FGF14: variants seen among roughly 807,000 people sequenced by gnomAD.
The protein encoded by FGF14 is fibroblast growth factor 14, also known as fibroblast growth factor homologous factor 4.
FGF14 carries 5 observed loss-of-function variants against 25.5 expected under a neutral mutation model. The observed-to-expected ratio is 0.20, with a 90% CI of 0.10 to 0.41. FGF14 has a LOEUF of 0.41. Ranked by LOEUF, FGF14 falls within the 10% of genes least tolerant of loss-of-function variation. FGF14 has a pLI of 1.00. For missense variants in FGF14, 222 were observed against 320.1 expected, an observed-to-expected ratio of 0.69 and a Z score of 2.34; for synonymous variants, 138 against 118.3, an observed-to-expected ratio of 1.17 and a Z score of -1.08.
At chr13:102,329,293 C>T (rs533051555) in intron 1 of FGF14, among the ~76,000 whole-genome samples, 16 of 152,214 alleles carry the variant, frequency 1.1e-4, no homozygotes, top group African/African-American at 3.9e-4. Flanking sequence ...GAAGATTTGG[C>T]TTCTTATTAG....
At chr13:101,784,164 T>C (rs1034364063) in intron 3 of FGF14, among the ~76,000 whole-genome samples, 3 of 152,202 alleles carry the variant, frequency 2.0e-5, no homozygotes, top group African/African-American at 7.2e-5. Context: ...TAGTGCCAAA[T>C]TGATATTCCT....
At chr13:102,326,257 G>C (rs2056420230) in intron 1 of FGF14, among the ~76,000 whole-genome samples, 1 of 152,132 alleles carries the variant, frequency 6.6e-6, no homozygotes, top group Admixed American at 6.5e-5. Flanking sequence ...CCAAAATACT[G>C]TATTGAAAAA....
chr13:102,266,559 T>C (rs1040461928), intron 1 of FGF14, among the ~76,000 whole-genome samples: 9 of 152,048 alleles, frequency 5.9e-5, no homozygotes, highest in African/African-American at 1.7e-4. Flanking sequence ...TATAAAAGAA[T>C]TGCTCCCAAT....
Position 101,924,223 on chromosome 13 carries a change from T to C in FGF14, c.209-48927A>G, listed in dbSNP as rs557506315. On this transcript the variant is annotated intron_variant, in intron 1 of 4. Coordinates refer to the FGF14 transcript ENST00000376131. ...GAGTCCCTGTGCACATGTGATATAA[T>C]CTTTTTCATATTTAGCACTGTAATG... Among the ~76,000 whole-genome samples, 6 of 152,148 alleles carry C rather than the reference T, an allele frequency of 3.9e-5. No homozygotes were observed. The South Asian group carries it at 1.2e-3, about 31-fold the overall frequency.
intron 1 of FGF14, among the ~76,000 whole-genome samples, chr13:101,985,694 A>C (rs901581249): frequency 4.6e-5 from 7 of 152,088 alleles, no homozygotes; most frequent in African/African-American, 2.4e-5. Flanking sequence ...TCCAGCTCCT[A>C]GTGTCATCCT....
chr13:102,089,117 G>A (rs971933410), intron 1 of FGF14, among the ~76,000 whole-genome samples: 15 of 152,154 alleles, frequency 9.9e-5, no homozygotes, highest in Admixed American at 2.0e-4. Context: ...ATGTTCCAGA[G>A]TGTAGGGAAA....
intron 1 of FGF14, among the ~76,000 whole-genome samples, chr13:101,979,195 A>C (rs1022241194): frequency 2.6e-5 from 4 of 152,192 alleles, no homozygotes; most frequent in African/African-American, 9.7e-5. Context: ...CCATTTTCAC[A>C]AGCATAAAAA....
chr13:101,911,385 TG>T, intron 1 of FGF14, among the ~76,000 whole-genome samples: 1 of 152,284 alleles, frequency 6.6e-6, no homozygotes, highest in African/African-American at 2.4e-5. Flanking sequence ...TATTAATATA[TG>T]TAAACTCAAC....
intron 1 of FGF14, among the ~76,000 whole-genome samples, chr13:102,143,275 G>T (rs1051748557): frequency 4.6e-5 from 7 of 152,132 alleles, no homozygotes; most frequent in Non-Finnish European, 1.5e-5. Context: ...TCACAAGTAT[G>T]GGGGGTTAGG....
At chr13:102,012,395 T>C (rs921772270) in intron 1 of FGF14, among the ~76,000 whole-genome samples, 5 of 152,196 alleles carry the variant, frequency 3.3e-5, no homozygotes, top group African/African-American at 7.2e-5. Flanking sequence ...CTAGATTTCC[T>C]AGCAGGCCTT....
At chr13:101,749,678 C>T (rs535872207) in intron 3 of FGF14, among the ~76,000 whole-genome samples, 27 of 152,192 alleles carry the variant, frequency 1.8e-4, no homozygotes, top group African/African-American at 6.0e-4. Flanking sequence ...TGGAGTTTAG[C>T]AAATGTTGCA....
At chr13:101,860,768 T>C (rs967264551) in intron 3 of FGF14, among the ~76,000 whole-genome samples, 1 of 152,072 alleles carries the variant, frequency 6.6e-6, no homozygotes, top group Non-Finnish European at 1.5e-5. Context: ...TTGAGGCATG[T>C]TGAAACCACT....
chr13:102,189,277 T>C (rs751138237), intron 1 of FGF14, among the ~76,000 whole-genome samples: 4 of 152,140 alleles, frequency 2.6e-5, no homozygotes, highest in Admixed American at 6.5e-5. Context: ...TAGGGTTTAA[T>C]TGGTAGATAG....
At chr13:101,774,286 T>A (rs1383746572) in intron 3 of FGF14, among the ~76,000 whole-genome samples, 1 of 152,130 alleles carries the variant, frequency 6.6e-6, no homozygotes, top group Non-Finnish European at 1.5e-5. Context: ...CAGGCAGATG[T>A]GTCTCAATGT....
rs2034555244 is a variant in FGF14 at position 101,713,165 on chromosome 13, A to G, written c.*9666T>C. ...TGGACTTTGGGGATTTTTGCAGCTG[A>G]AATGCATATACCAGTTTCCCTGATA... On this transcript the variant is annotated 3_prime_UTR_variant, in exon 5 of 5. Transcript: ENST00000376143. 6.6e-6 allele frequency: 1 copy of G among 152,222 alleles called. No homozygotes were observed. The highest frequency in any genetic ancestry group is 6.5e-5 in the Admixed American group (1 of 15,280). 9.4% of individuals were successfully genotyped at this position (152,222 alleles called of 1,614,324 possible). A position where few individuals can be genotyped will look rare whatever the true frequency, so the allele number is the denominator to read the frequency against.
chr13:102,335,242 C>T (rs758291141), intron 1 of FGF14, among the ~76,000 whole-genome samples: 41 of 152,282 alleles, frequency 2.7e-4, no homozygotes, highest in Middle Eastern at 6.8e-3. Context: ...CACCAATGCA[C>T]AAACATGCCA....
intron 1 of FGF14, among the ~76,000 whole-genome samples, chr13:102,307,107 C>T (rs1457960359): frequency 1.3e-5 from 2 of 151,922 alleles, no homozygotes; most frequent in African/African-American, 4.8e-5. Flanking sequence ...GACATGAATT[C>T]GATGTAGCAG....
chr13:102,378,662 C>G (rs906190588), intron 1 of FGF14, among the ~76,000 whole-genome samples: 55 of 149,612 alleles, frequency 3.7e-4, no homozygotes, highest in African/African-American at 1.3e-3. Flanking sequence ...CTTTTAATCA[C>G]TACATATTTA....
chr13:102,354,701 C>A (rs142631067), intron 1 of FGF14, among the ~76,000 whole-genome samples: 36 of 152,222 alleles, frequency 2.4e-4, no homozygotes, highest in African/African-American at 8.2e-4. Flanking sequence ...TTAACCTTGG[C>A]AAAATAAACT....
Sources: gnomAD v4.1 joint callset for allele counts (sites outside exome capture counted in the v4.1 genomes callset) on GRCh38, gnomAD v4.1.1 for gene constraint, MANE v1.5 for transcripts, NCBI Gene and HGNC (gene_info 2026-07-23, HGNC 2026-07-21) for gene names.